WNT8B: variants seen among roughly 807,000 people sequenced by gnomAD.
WNT8B encodes the protein protein Wnt-8b.
Under a neutral mutation model 36.6 loss-of-function variants are expected in WNT8B, and 24 were observed. The observed-to-expected ratio is 0.66, with a 90% CI of 0.48 to 0.92. WNT8B has a LOEUF of 0.92. WNT8B is among the 40% of genes least tolerant of loss of function. The probability of loss-of-function intolerance (pLI) is 0.00; values close to 1 mark genes in which losing one functional copy is unlikely to be tolerated. For synonymous variants in WNT8B, 199 were observed against 189.8 expected (o/e 1.05, Z -0.40); for missense variants, 402 against 470.8 (o/e 0.85, Z 1.35).
In WNT8B at chr10:100,463,021, C is replaced by A; in HGVS notation, c.-148C>A. On this transcript the variant is annotated 5_prime_UTR_variant, in exon 1 of 6. Coordinates refer to ENST00000343737, the MANE Select transcript of WNT8B (RefSeq NM_003393.4). ...ACGTTTGGCAGCTCCATTTCACCTC[C>A]CCTTAACTCTGTTTGGGATCGCTTA... 1 of 653,680 alleles carries A rather than the reference C, an allele frequency of 1.5e-6. No homozygotes were observed. Among genetic ancestry groups the A allele is most frequent in the African/African-American group, 1.9e-5 (1 of 53,918 alleles). 40.5% of individuals were successfully genotyped at this position (653,680 alleles called of 1,614,324 possible). A position where few individuals can be genotyped will look rare whatever the true frequency, so the allele number is the denominator to read the frequency against.
At position 100,478,577 on chromosome 10, in the gene WNT8B, G is replaced by A. The variant is rs192890242; in HGVS notation, c.69-475G>A. 9.1e-3 allele frequency among the ~76,000 whole-genome samples: 1,377 copies of A among 150,714 alleles called. 20 individuals carry two copies. Among genetic ancestry groups the A allele is most frequent in the African/African-American group, 0.032 (1,327 of 41,206 alleles). ...TTTTTCTACTAAGTTTTATGTGTGTGTGTGTTTTTTTTTTTTTGTTTTGAA... is the reference window on the plus strand; with the variant it reads ...TTTTTCTACTAAGTTTTATGTGTGTATGTGTTTTTTTTTTTTTGTTTTGAA... On this transcript the variant is annotated intron_variant, in intron 1 of 5. Transcript: ENST00000343737.
At position 100,480,096 on chromosome 10, in the gene WNT8B, C is replaced by A. The variant is rs896345836; in HGVS notation, c.241+84C>A. The A allele has an allele frequency of 1.1e-5, 17 of 1,480,050 alleles. No individual in the cohort carries two copies. The South Asian group carries it at 1.3e-4, about 11-fold the overall frequency. 91.7% of individuals were successfully genotyped at this position (1,480,050 alleles called of 1,614,324 possible). ...GGATAGCCCCTTGCCTCCTCGACAC[C>A]CTTATTCCTCACCTGCTCTCTTCTC... On this transcript the variant is annotated intron_variant, in intron 3 of 5. Coordinates refer to ENST00000343737, the MANE Select transcript of WNT8B (RefSeq NM_003393.4).
At chr10:100,473,901 G>A (rs986407306) in intron 1 of WNT8B, among the ~76,000 whole-genome samples, 4 of 151,964 alleles carry the variant, frequency 2.6e-5, no homozygotes, top group Non-Finnish European at 5.9e-5. Context: ...ACTCTAGCCT[G>A]TGCAACAGAG....
Position 100,481,176 on chromosome 10 carries a change from A to G in WNT8B, c.367+53A>G, listed in dbSNP as rs1851105187. 7 of 1,600,248 alleles carry G rather than the reference A, an allele frequency of 4.4e-6. No homozygotes were observed. The South Asian group carries it at 5.6e-5, about 13-fold the overall frequency. ...ATAGGCCAGCCAACGCACATAAAGAATGAAAAGCCTGGTGGGGGTGAAGAA... is the reference window on the plus strand; with the variant it reads ...ATAGGCCAGCCAACGCACATAAAGAGTGAAAAGCCTGGTGGGGGTGAAGAA... On this transcript the variant is annotated intron_variant, in intron 4 of 5. Coordinates refer to ENST00000343737, the MANE Select transcript of WNT8B (RefSeq NM_003393.4).
chr10:100,482,304 T>G lies in WNT8B; in HGVS notation c.544T>G (p.Cys182Gly). Residue 182 changes from cysteine to glycine, a missense_variant, in exon 6 of 6, where the codon TGC becomes GGC. This residue lies in a region of WNT8B where 256 missense variants were observed against 278.6 expected (regional missense o/e 0.92). Transcript: ENST00000343737. This position sits in a 1 kb window ranked among gnomAD's most constrained non-coding sequence, Gnocchi z 6.6. Reference protein sequence around the residue: ...VKGTMKRTCKCHGVSGSCTTQ... With the variant: ...VKGTMKRTCKGHGVSGSCTTQ... ...GGGCACCATGAAACGCACGTGCAAG[T>G]GCCACGGCGTGTCTGGCAGCTGCAC... 1 of 1,595,936 alleles carries G rather than the reference T, an allele frequency of 6.3e-7. No homozygotes were observed.
At chr10:100,480,961 C>A in intron 3 of WNT8B, 37 bp from the exon 4 acceptor site, 1 of 1,607,252 alleles carries the variant, frequency 6.2e-7, no homozygotes. Flanking sequence ...TAAGCTGAAA[C>A]CCCTCCCTCT....
chr10:100,476,609 A>G lies in WNT8B; in HGVS notation c.69-2443A>G, dbSNP rs910254300. ...GGTACACCAGCATGGAACAATACATAATGATTCCCGTATTACTTTCTCACA... is the reference window on the plus strand; with the variant it reads ...GGTACACCAGCATGGAACAATACATGATGATTCCCGTATTACTTTCTCACA... On this transcript the variant is annotated intron_variant, in intron 1 of 5. Coordinates refer to ENST00000343737, the MANE Select transcript of WNT8B (RefSeq NM_003393.4). Among the ~76,000 whole-genome samples, 3 of 152,184 alleles carry G rather than the reference A, an allele frequency of 2.0e-5. No individual in the cohort carries two copies. The South Asian group carries it at 6.2e-4, about 32-fold the overall frequency.
chr10:100,474,451 T>A (rs1364387930), intron 1 of WNT8B, among the ~76,000 whole-genome samples: 1 of 143,344 alleles, frequency 7.0e-6, no homozygotes, highest in Non-Finnish European at 1.5e-5. Context: ...CTTTGCATCT[T>A]CTCACAATAC....
intron 1 of WNT8B, among the ~76,000 whole-genome samples, chr10:100,465,537 T>C (rs547904263): frequency 2.0e-5 from 3 of 152,294 alleles, no homozygotes; most frequent in Non-Finnish European, 2.9e-5. Flanking sequence ...CAGTGGGTCT[T>C]ACCCAGTTCT....
In WNT8B at chr10:100,479,627, C is replaced by T. The variant is rs79201523; in HGVS notation, c.103-247C>T. 5.5e-3 allele frequency among the ~76,000 whole-genome samples: 839 copies of T among 152,252 alleles called. 3 individuals carry two copies. The highest frequency in any genetic ancestry group is 0.027 in the Middle Eastern group (8 of 294). ...ATAAAACTGAGTTTCATTTCTAGTT[C>T]TGCCATTTGCTAGCTCTGGGACTTT... On this transcript the variant is annotated intron_variant, in intron 2 of 5. Coordinates refer to ENST00000343737, the MANE Select transcript of WNT8B (RefSeq NM_003393.4).
At chr10:100,477,394 G>A (rs982377470) in intron 1 of WNT8B, among the ~76,000 whole-genome samples, 1 of 151,282 alleles carries the variant, frequency 6.6e-6, no homozygotes, top group Non-Finnish European at 1.5e-5. Flanking sequence ...TCCATTCCCA[G>A]GTTCACGCCA....
In WNT8B at chr10:100,482,369, G is replaced by C. The variant is rs1851126506; in HGVS notation, c.609G>C (p.Glu203Asp). Residue 203 changes from glutamate to aspartate, a missense_variant, in exon 6 of 6, where the codon GAG (glutamate) becomes GAC (aspartate). Glu to Asp is a conservative substitution (Grantham distance 45, BLOSUM62 2). Around this residue, in one of 3 missense-constraint regions of WNT8B, gnomAD observed 256 missense variants for 278.6 expected, o/e 0.92. Coordinates refer to ENST00000343737, the MANE Select transcript of WNT8B (RefSeq NM_003393.4). This position sits in a 1 kb window ranked among gnomAD's most constrained non-coding sequence, Gnocchi z 6.6. ...TCWLQLPEFR[E>D]VGAHLKEKYH... is the part of the protein sequence containing the mutation. ...GGCTGCAGCTGCCCGAGTTCCGCGA[G>C]GTGGGCGCGCACCTGAAGGAGAAGT... 1 of 1,605,956 alleles carries C rather than the reference G, an allele frequency of 6.2e-7. No individual in the cohort carries two copies. The highest frequency in any genetic ancestry group is 8.5e-7 in the Non-Finnish European group (1 of 1,179,956).
rs747101921 is a variant in WNT8B, at chr10:100,482,102, T to C, written c.510+48T>C. On this transcript the variant is annotated intron_variant, in intron 5 of 5. Coordinates refer to ENST00000343737, the MANE Select transcript of WNT8B (RefSeq NM_003393.4). This position sits in a 1 kb window ranked among gnomAD's most constrained non-coding sequence, Gnocchi z 6.6. ...ATAGGCAGCTGCTGGCTATATCCAC[T>C]ACCAGCTCCAGGTGCGGACAACTCT... is the stretch of plus-strand genomic sequence containing the variant. 1 of 1,610,510 alleles carries C rather than the reference T, an allele frequency of 6.2e-7. No individual in the cohort carries two copies. Among genetic ancestry groups the C allele is most frequent in the East Asian group, 2.2e-5 (1 of 44,804 alleles).
chr10:100,479,097 T>A lies in WNT8B; in HGVS notation c.102+12T>A. The A allele has an allele frequency of 6.3e-7, 1 of 1,594,986 alleles. No individual in the cohort carries two copies. The highest frequency in any genetic ancestry group is 2.2e-5 in the East Asian group (1 of 44,708). Reference sequence around the variant, plus strand: ...TGACTGGTCCAAAGGTAAGAACAAATTCCATTAATTGATATGGATTTCACT... The same window carrying A: ...TGACTGGTCCAAAGGTAAGAACAAAATCCATTAATTGATATGGATTTCACT... On this transcript the variant is annotated intron_variant, in intron 2 of 5. Coordinates refer to ENST00000343737, the MANE Select transcript of WNT8B (RefSeq NM_003393.4).
intron 1 of WNT8B, among the ~76,000 whole-genome samples, chr10:100,473,244 A>G (rs1850998583): frequency 1.3e-5 from 2 of 152,316 alleles, no homozygotes; most frequent in Admixed American, 6.5e-5. Flanking sequence ...GTACTTATTC[A>G]AGAATAAGTG....
At position 100,482,519 on chromosome 10, in the gene WNT8B, G is replaced by T; in HGVS notation, c.759G>T (p.Pro253=). The T allele has an allele frequency of 1.9e-6, 3 of 1,600,440 alleles. No homozygotes were observed. ...TRELVHLEDS[P]DYCLENKTLG... ...AGCTGGTGCACCTGGAGGACTCCCC[G>T]GACTACTGCCTGGAGAACAAAACGC... is the stretch of plus-strand genomic sequence containing the variant. Residue 253 remains proline (P), a synonymous_variant, in exon 6 of 6, where the codon CCG becomes CCT. Transcript: ENST00000343737. This position sits in a 1 kb window ranked among gnomAD's most constrained non-coding sequence, Gnocchi z 6.6.
At chr10:100,469,237 A>G (rs1356133697) in intron 1 of WNT8B, among the ~76,000 whole-genome samples, 2 of 152,058 alleles carry the variant, frequency 1.3e-5, no homozygotes, top group Admixed American at 6.6e-5. Context: ...TTTTCTTTCA[A>G]TGCCATCCTC....
At chr10:100,480,054 A>G in intron 3 of WNT8B, 42 bp downstream of exon 3, 1 of 1,605,316 alleles carries the variant, frequency 6.2e-7, no homozygotes, top group East Asian at 2.2e-5. Context: ...CCCTCTGGTC[A>G]CAGGTTAGAG....
At chr10:100,471,601 C>T (rs964240738) in intron 1 of WNT8B, among the ~76,000 whole-genome samples, 5 of 152,188 alleles carry the variant, frequency 3.3e-5, no homozygotes, top group Non-Finnish European at 4.4e-5. Context: ...AATTAGGAGT[C>T]CTGGATTAGC....
Sources: allele counts gnomAD v4.1 joint callset (sites outside exome capture counted in the v4.1 genomes callset), GRCh38; gene constraint gnomAD v4.1.1; regional missense constraint gnomAD v4.1.1; non-coding constraint Gnocchi (gnomAD v3.1); transcripts MANE v1.5; gene names NCBI Gene and HGNC (gene_info 2026-07-23, HGNC 2026-07-21).